The following UBE2H variants were observed in gnomAD, a reference collection of about 807,000 sequenced individuals.
The protein encoded by UBE2H is ubiquitin-conjugating enzyme E2 H.
Under a neutral mutation model 29.0 loss-of-function variants are expected in UBE2H, and 3 were observed. The ratio of observed to expected loss-of-function variants is 0.10; its 90% CI spans 0.05 to 0.27. The LOEUF (loss-of-function observed/expected upper bound fraction) is 0.27, where lower values mean the gene tolerates loss of function less well. UBE2H is among the 10% of genes least tolerant of loss of function. The probability of loss-of-function intolerance (pLI) is 1.00; values close to 1 mark genes in which losing one functional copy is unlikely to be tolerated. For missense variants in UBE2H, 68 were observed against 228.2 expected (o/e 0.30, Z 4.52); for synonymous variants, 69 against 82.9 (o/e 0.83, Z 0.91).
At chr7:129,887,437 G>C (rs1402856192) in intron 1 of UBE2H, among the ~76,000 whole-genome samples, 1 of 151,916 alleles carries the variant, frequency 6.6e-6, no homozygotes, top group Non-Finnish European at 1.5e-5. Flanking sequence ...GGTCAAGCTG[G>C]TCTTGAATTC....
intron 3 of UBE2H, among the ~76,000 whole-genome samples, chr7:129,869,470 A>C (rs1056120010): frequency 5.3e-5 from 8 of 152,054 alleles, no homozygotes; most frequent in Admixed American, 1.3e-4. Context: ...TTTTCTTCCC[A>C]ACTACCAGCC....
chr7:129,839,593 C>T (rs1245733168), intron 5 of UBE2H: 1 of 375,656 alleles, frequency 2.7e-6, no homozygotes, highest in Non-Finnish European at 4.8e-6. Context: ...TTCTATTTCA[C>T]TCTATTTATA....
intron 6 of UBE2H, among the ~76,000 whole-genome samples, chr7:129,838,896 C>T (rs1413703174): frequency 6.6e-6 from 1 of 152,150 alleles, no homozygotes; most frequent in East Asian, 1.9e-4. Flanking sequence ...CTCGGGCTAC[C>T]AAAGTGCTGG....
chr7:129,938,483 G>A (rs1215934574), intron 1 of UBE2H, among the ~76,000 whole-genome samples: 4 of 146,322 alleles, frequency 2.7e-5, no homozygotes, highest in Non-Finnish European at 6.0e-5. Flanking sequence ...GAAAGGCCGA[G>A]GCGGGTGGAT....
intron 3 of UBE2H, chr7:129,865,177 C>G (rs1053453882): frequency 3.0e-6 from 1 of 336,994 alleles, no homozygotes; most frequent in Non-Finnish European, 5.9e-6. Flanking sequence ...TTGTTCCACT[C>G]CAATACTCAA....
intron 6 of UBE2H, among the ~76,000 whole-genome samples, chr7:129,837,512 G>A (rs1210484598): frequency 6.6e-6 from 1 of 150,752 alleles, no homozygotes; most frequent in African/African-American, 2.4e-5. Context: ...AAATGAAAAG[G>A]AATAAACAGC....
At chr7:129,838,420 G>A (rs996126476) in intron 6 of UBE2H, among the ~76,000 whole-genome samples, 3 of 152,158 alleles carry the variant, frequency 2.0e-5, no homozygotes, top group Admixed American at 6.6e-5. Context: ...ACATTTTGAG[G>A]AAGCAAACAT....
At chr7:129,934,857 A>T (rs1366609559) in intron 1 of UBE2H, among the ~76,000 whole-genome samples, 1 of 151,528 alleles carries the variant, frequency 6.6e-6, no homozygotes, top group Non-Finnish European at 1.5e-5. Context: ...ACTTGAGGTC[A>T]GGAGTTCAAA....
intron 6 of UBE2H, among the ~76,000 whole-genome samples, chr7:129,836,804 C>T (rs1459587558): frequency 2.8e-5 from 4 of 144,388 alleles, no homozygotes; most frequent in Non-Finnish European, 6.0e-5. Flanking sequence ...CACTTGAACC[C>T]GGGAGGCAGA....
chr7:129,886,668 T>C (rs923969174), intron 1 of UBE2H, among the ~76,000 whole-genome samples: 3 of 150,096 alleles, frequency 2.0e-5, no homozygotes, highest in Non-Finnish European at 4.4e-5. Context: ...TGGATTTCTG[T>C]GTTCAGACCC....
chr7:129,846,563 C>T (rs1488998386), intron 5 of UBE2H, among the ~76,000 whole-genome samples: 3 of 18,626 alleles, frequency 1.6e-4, no homozygotes, highest in Non-Finnish European at 5.4e-4. Flanking sequence ...CTCTCTACCA[C>T]CCCCCACTCA....
At chr7:129,888,496 A>T (rs1806409153) in intron 1 of UBE2H, among the ~76,000 whole-genome samples, 1 of 150,894 alleles carries the variant, frequency 6.6e-6, no homozygotes, top group South Asian at 2.1e-4. Flanking sequence ...TTTTTTTGAG[A>T]CGGAGTCTCA....
chr7:129,938,708 A>G (rs1035117838), intron 1 of UBE2H, among the ~76,000 whole-genome samples: 2 of 149,286 alleles, frequency 1.3e-5, no homozygotes, highest in Non-Finnish European at 3.0e-5. Flanking sequence ...CTTCGTCTCA[A>G]AAAAAAAAAA....
chr7:129,885,264 A>G (rs1806336953), intron 1 of UBE2H, among the ~76,000 whole-genome samples: 1 of 152,238 alleles, frequency 6.6e-6, no homozygotes, highest in African/African-American at 2.4e-5. Flanking sequence ...GGAGTAGTGC[A>G]GAAGATTAAA....
At chr7:129,876,763 T>TA (rs1482912994) in intron 3 of UBE2H, among the ~76,000 whole-genome samples, 5 of 152,180 alleles carry the variant, frequency 3.3e-5, no homozygotes, top group African/African-American at 1.2e-4. Context: ...ATCATAAGAA[T>TA]AAGTTCATAA....
At chr7:129,949,263 G>A (rs1017977278) in intron 1 of UBE2H, among the ~76,000 whole-genome samples, 3 of 152,202 alleles carry the variant, frequency 2.0e-5, no homozygotes, top group Non-Finnish European at 4.4e-5. Flanking sequence ...GGTCACCAGA[G>A]CCCCAGCTCT....
intron 1 of UBE2H, among the ~76,000 whole-genome samples, chr7:129,950,311 G>A (rs1247561860): frequency 1.3e-5 from 2 of 152,132 alleles, no homozygotes; most frequent in Non-Finnish European, 2.9e-5. Context: ...AAGGAAGGAA[G>A]GTGGGGAAAG....
chr7:129,907,876 G>A (rs985717445), intron 1 of UBE2H, among the ~76,000 whole-genome samples: 1 of 152,128 alleles, frequency 6.6e-6, no homozygotes, highest in Non-Finnish European at 1.5e-5. Flanking sequence ...AAGTCAGGCT[G>A]TAAAATCCTG....
chr7:129,926,377 C>T (rs1033810666), intron 1 of UBE2H, among the ~76,000 whole-genome samples: 15 of 151,692 alleles, frequency 9.9e-5, no homozygotes, highest in Admixed American at 2.6e-4. Flanking sequence ...AGTGTGGTGG[C>T]ACATGCCTGT....
Sources: allele counts gnomAD v4.1 joint callset (sites outside exome capture counted in the v4.1 genomes callset), GRCh38; gene constraint gnomAD v4.1.1; transcripts MANE v1.5; gene names NCBI Gene and HGNC (gene_info 2026-07-23, HGNC 2026-07-21).